The following CDK5RAP2 variants were observed in gnomAD, a reference collection of about 807,000 sequenced individuals.
The protein encoded by CDK5RAP2 is CDK5 regulatory subunit-associated protein 2.
A neutral mutation model predicts 232.9 loss-of-function variants in CDK5RAP2; 147 were observed. That is an observed-to-expected ratio of 0.63 (90% CI 0.55 to 0.72). CDK5RAP2 has a LOEUF of 0.72. Among genes scored for constraint, CDK5RAP2 ranks in the 30% least tolerant of loss-of-function variants. The pLI is 0.00. For missense variants in CDK5RAP2, 2,195 were observed against 2,231.5 expected (o/e 0.98, Z 0.33); for synonymous variants, 833 against 833.7 (o/e 1.00, Z 0.01).
intron 7 of CDK5RAP2, 109 bp downstream of exon 7, chr9:120,536,263 T>C: frequency 1.6e-6 from 2 of 1,236,082 alleles, no homozygotes; most frequent in South Asian, 1.3e-5. Flanking sequence ...TCAAGTCCTA[T>C]GGGAAACATG....
intron 4 of CDK5RAP2, among the ~76,000 whole-genome samples, chr9:120,546,504 C>T (rs1174566202): frequency 6.6e-6 from 1 of 152,212 alleles, no homozygotes; most frequent in East Asian, 1.9e-4. Flanking sequence ...TCAAACTTAT[C>T]TACAAATGTA....
chr9:120,559,856 G>A (rs1355845726), intron 3 of CDK5RAP2, among the ~76,000 whole-genome samples: 2 of 152,170 alleles, frequency 1.3e-5, no homozygotes, highest in East Asian at 1.9e-4. Flanking sequence ...TTTTGCAGGA[G>A]CTACTAGTCA....
intron 25 of CDK5RAP2, among the ~76,000 whole-genome samples, chr9:120,427,950 A>G (rs925179025): frequency 2.6e-5 from 4 of 151,394 alleles, no homozygotes; most frequent in Admixed American, 6.6e-5. Context: ...GGATTAAGAA[A>G]CTCACTCAAA....
At chr9:120,558,691 C>G (rs896864932) in intron 3 of CDK5RAP2, among the ~76,000 whole-genome samples, 2 of 152,186 alleles carry the variant, frequency 1.3e-5, no homozygotes, top group African/African-American at 4.8e-5. Flanking sequence ...TCTGACGCGT[C>G]TGCCAGGGTG....
chr9:120,405,823 T>C (rs1382418367), intron 32 of CDK5RAP2, among the ~76,000 whole-genome samples: 1 of 152,206 alleles, frequency 6.6e-6, no homozygotes, highest in Non-Finnish European at 1.5e-5. Flanking sequence ...GAGAATAGCC[T>C]GCAAACAATC....
In CDK5RAP2 at chr9:120,458,549, C is replaced by T. The variant is rs1174129134; in HGVS notation, c.2276G>A (p.Cys759Tyr). ...LRHTESKISDCDGAHAPGCLE... is the reference protein window; with the variant it reads ...LRHTESKISDYDGAHAPGCLE... ...GCAGCCAGGTGCGTGGGCCCCATCA[C>T]AATCTGAAATCTTAGACTCCGTGTG... Residue 759 changes from cysteine (C) to tyrosine (Y), a missense_variant, in exon 20 of 38, where the codon TGT becomes TAT. Transcript: ENST00000349780. 3 of 1,614,030 alleles carry T rather than the reference C, an allele frequency of 1.9e-6. No individual in the cohort carries two copies. The highest frequency in any genetic ancestry group is 1.1e-5 in the South Asian group (1 of 91,086).
At chr9:120,508,749 T>TTCCC (rs1236062638) in intron 12 of CDK5RAP2, among the ~76,000 whole-genome samples, 1 of 152,246 alleles carries the variant, frequency 6.6e-6, no homozygotes, top group Non-Finnish European at 1.5e-5. Context: ...CTGTGAAGCC[T>TTCCC]TCCCTCCCTC....
At position 120,576,579 on chromosome 9, in the gene CDK5RAP2, G is replaced by A. The variant is rs1045312572; in HGVS notation, c.59+3341C>T. On this transcript the variant is annotated intron_variant, in intron 1 of 37. Transcript: ENST00000349780. ...TAGCCGAGCATGGTGGCACGTGCCTGTAGTCCCAGCTACTTGGGAGGCTGA... is the reference window on the plus strand; with the variant it reads ...TAGCCGAGCATGGTGGCACGTGCCTATAGTCCCAGCTACTTGGGAGGCTGA... Among the ~76,000 whole-genome samples, 4 of 152,188 alleles carry A rather than the reference G, an allele frequency of 2.6e-5. 1 individual carries two copies. The highest frequency in any genetic ancestry group is 2.0e-4 in the Admixed American group (3 of 15,286).
At chr9:120,395,339 G>A (rs1347175906) in intron 35 of CDK5RAP2, among the ~76,000 whole-genome samples, 1 of 152,178 alleles carries the variant, frequency 6.6e-6, no homozygotes, top group African/African-American at 2.4e-5. Context: ...AAACTATAAT[G>A]CTGATTTTAA....
intron 13 of CDK5RAP2, 147 bp downstream of exon 13, chr9:120,491,160 G>A (rs2038883759): frequency 3.0e-6 from 2 of 677,272 alleles, no homozygotes; most frequent in Non-Finnish European, 5.0e-6. Flanking sequence ...CCTGGTGGCT[G>A]AAGCCCAAAT....
intron 9 of CDK5RAP2, 122 bp from the exon 10 acceptor site, chr9:120,528,047 T>A (rs2040984849): frequency 3.0e-6 from 4 of 1,348,460 alleles, no homozygotes; most frequent in Non-Finnish European, 3.1e-6. Context: ...AACCTGTGAT[T>A]AATGTTTCCA....
chr9:120,482,026 AG>A (rs1258387041), intron 14 of CDK5RAP2, among the ~76,000 whole-genome samples: 1 of 152,228 alleles, frequency 6.6e-6, no homozygotes, highest in Non-Finnish European at 1.5e-5. Flanking sequence ...ACAGCATTCC[AG>A]GGAACTTCCC....
intron 3 of CDK5RAP2, among the ~76,000 whole-genome samples, chr9:120,558,662 G>C (rs1020525690): frequency 2.6e-5 from 4 of 152,068 alleles, no homozygotes; most frequent in Non-Finnish European, 5.9e-5. Flanking sequence ...CCAAGCCCTT[G>C]TCTGCCTACA....
rs775109861 is a variant in CDK5RAP2, at chr9:120,471,793, G to A, written c.1813C>T (p.Arg605Trp). 39 of 1,613,612 alleles carry A rather than the reference G, an allele frequency of 2.4e-5. No homozygotes were observed. The highest frequency in any genetic ancestry group is 3.3e-5 in the South Asian group (3 of 91,084). The change falls in exon 16 of 38, where the codon CGG becomes TGG. Residue 605 changes from arginine (R) to tryptophan (W), a missense_variant. Physicochemically the swap from Arg to Trp is moderately radical, Grantham distance 101. Coordinates refer to ENST00000349780, the MANE Select transcript of CDK5RAP2 (RefSeq NM_018249.6). ...EQDVLSYQNL[R>W]KTLEEQISEI... ...CTGATCTGCTCCTCCAAGGTCTTCCGCAAATTCTGATATGAAAGCACATCC... is the reference window on the plus strand; with the variant it reads ...CTGATCTGCTCCTCCAAGGTCTTCCACAAATTCTGATATGAAAGCACATCC...
intron 4 of CDK5RAP2, among the ~76,000 whole-genome samples, chr9:120,548,972 C>A (rs1588630021): frequency 6.6e-6 from 1 of 152,290 alleles, no homozygotes; most frequent in African/African-American, 2.4e-5. Context: ...GCCTGGAGAA[C>A]ATGGGGAAAC....
intron 21 of CDK5RAP2, among the ~76,000 whole-genome samples, chr9:120,452,557 A>G (rs971106920): frequency 6.6e-6 from 1 of 151,900 alleles, no homozygotes; most frequent in Non-Finnish European, 1.5e-5. Context: ...CTCTCCCAGA[A>G]CACATCTCCC....
At chr9:120,493,654 A>G (rs1455417058) in intron 12 of CDK5RAP2, among the ~76,000 whole-genome samples, 2 of 152,224 alleles carry the variant, frequency 1.3e-5, no homozygotes, top group Non-Finnish European at 2.9e-5. Context: ...TAGACTGTTT[A>G]CCAGAAACAG....
At chr9:120,401,236 A>G (rs886416324) in intron 34 of CDK5RAP2, among the ~76,000 whole-genome samples, 2 of 152,050 alleles carry the variant, frequency 1.3e-5, no homozygotes, top group African/African-American at 4.8e-5. Flanking sequence ...TGACACCAAC[A>G]GCAAGCAATA....
chr9:120,545,252 A>T (rs527818407), intron 5 of CDK5RAP2, among the ~76,000 whole-genome samples: 1 of 152,326 alleles, frequency 6.6e-6, no homozygotes, highest in Non-Finnish European at 1.5e-5. Context: ...CTACTGATAT[A>T]ATTAACAACA....
Sources: allele counts gnomAD v4.1 joint callset (sites outside exome capture counted in the v4.1 genomes callset), GRCh38; gene constraint gnomAD v4.1.1; transcripts MANE v1.5; gene names NCBI Gene and HGNC (gene_info 2026-07-23, HGNC 2026-07-21).